The following CYFIP2 variants were observed in gnomAD, a reference collection of about 807,000 sequenced individuals.
CYFIP2 encodes cytoplasmic FMR1-interacting protein 2.
CYFIP2 carries 29 observed loss-of-function variants against 158.7 expected under a neutral mutation model. The ratio of observed to expected loss-of-function variants is 0.18; its 90% CI spans 0.14 to 0.25. The LOEUF is 0.25. CYFIP2 is among the 10% of genes least tolerant of loss of function. The pLI, the probability that CYFIP2 is intolerant of heterozygous loss-of-function variation, is 1.00. For synonymous variants in CYFIP2, 585 were observed against 617.6 expected, an observed-to-expected ratio of 0.95 and a Z score of 0.78; for missense variants, 852 against 1,639.5, an observed-to-expected ratio of 0.52 and a Z score of 8.29.
intron 1 of CYFIP2, among the ~76,000 whole-genome samples, chr5:157,268,519 A>G (rs1223059064): frequency 6.6e-6 from 1 of 152,194 alleles, no homozygotes; most frequent in Non-Finnish European, 1.5e-5. Context: ...TGAATCGGCT[A>G]CAAGCTAATT....
chr5:157,370,737 T>G (rs1180076258), intron 26 of CYFIP2, among the ~76,000 whole-genome samples: 1 of 152,200 alleles, frequency 6.6e-6, no homozygotes, highest in East Asian at 1.9e-4. Context: ...GGCATATACT[T>G]GAGGGAAGAG....
rs536655897 is a variant in CYFIP2 at position 157,320,525 on chromosome 5, A to G, written c.1524-130A>G. 23 of 1,214,292 alleles carry G rather than the reference A, an allele frequency of 1.9e-5. No homozygotes were observed. The African/African-American group carries it at 3.1e-4, about 16-fold the overall frequency. The allele number at this position is 1,214,292 out of a possible 1,614,324, so 75.2% of individuals were successfully genotyped here. A position where few individuals can be genotyped will look rare whatever the true frequency, so the allele number is the denominator to read the frequency against. ...TTTTGGAATTGGGGCAGAAATGAGC[A>G]TGCTTTACAAGCACCCCAAGAATTC... On this transcript the variant is annotated intron_variant, in intron 14 of 30. Transcript: ENST00000620254.
intron 30 of CYFIP2, among the ~76,000 whole-genome samples, chr5:157,392,208 A>C (rs1767372272): frequency 6.6e-6 from 1 of 152,118 alleles, no homozygotes; most frequent in Non-Finnish European, 1.5e-5. Context: ...TTTCATTCTC[A>C]TGGTGTCCCT....
At chr5:157,375,900 G>C (rs1024996821) in intron 26 of CYFIP2, 2 of 151,982 alleles carry the variant, frequency 1.3e-5, no homozygotes, top group Non-Finnish European at 2.9e-5. Flanking sequence ...TCCTCCTCTT[G>C]CCATCAGCAA....
intron 23 of CYFIP2, among the ~76,000 whole-genome samples, chr5:157,351,320 A>G (rs1192511473): frequency 6.6e-6 from 1 of 152,214 alleles, no homozygotes; most frequent in African/African-American, 2.4e-5. Flanking sequence ...CAGAGGCTAT[A>G]ATGAGCAAAG....
intron 26 of CYFIP2, chr5:157,365,614 A>T (rs959372034): frequency 6.6e-6 from 1 of 152,062 alleles, no homozygotes; most frequent in Non-Finnish European, 1.5e-5. Context: ...GCACATGTCC[A>T]TGTAGCCCAG....
chr5:157,312,886 T>C, intron 11 of CYFIP2, among the ~76,000 whole-genome samples: 1 of 152,336 alleles, frequency 6.6e-6, no homozygotes, highest in Non-Finnish European at 1.5e-5. Context: ...TAATATTTTA[T>C]TTCTTTTTTA....
At chr5:157,342,899 C>T (rs776472166) in intron 23 of CYFIP2, 3 of 1,613,884 alleles carry the variant, frequency 1.9e-6, no homozygotes, top group South Asian at 2.2e-5. Flanking sequence ...GGGTGGGTCA[C>T]CACCCCCCCT....
At chr5:157,382,562 T>C (rs1766233931) in intron 26 of CYFIP2, 28 bp from the exon 27 acceptor site, 2 of 1,612,780 alleles carry the variant, frequency 1.2e-6, no homozygotes, top group South Asian at 2.2e-5. Context: ...GAAAATTGTT[T>C]TCTCTTTCTT....
chr5:157,290,051 A>G lies in CYFIP2; in HGVS notation c.207+2943A>G, dbSNP rs1218268186. On this transcript the variant is annotated intron_variant, in intron 3 of 30. Transcript: ENST00000620254. ...TGGATGTGAGGGACACTGGCTTAGCAGTCACCTGGGACTGCACTGACTGAG... is the reference window on the plus strand; with the variant it reads ...TGGATGTGAGGGACACTGGCTTAGCGGTCACCTGGGACTGCACTGACTGAG... Among the ~76,000 whole-genome samples, 8 of 152,210 alleles carry G rather than the reference A, an allele frequency of 5.3e-5. No homozygotes were observed. The South Asian group carries it at 6.2e-4, about 12-fold the overall frequency.
intron 21 of CYFIP2, among the ~76,000 whole-genome samples, chr5:157,337,469 C>T (rs1348299852): frequency 1.3e-5 from 2 of 152,224 alleles, no homozygotes; most frequent in African/African-American, 4.8e-5. Flanking sequence ...TCTCTTCACC[C>T]CAGTTGATCT....
intron 1 of CYFIP2, among the ~76,000 whole-genome samples, chr5:157,283,953 C>T (rs866895301): frequency 1.2e-4 from 18 of 152,250 alleles, no homozygotes; most frequent in Middle Eastern, 3.4e-3. Flanking sequence ...TCTCACAACT[C>T]CCTGGGATCG....
chr5:157,373,453 G>A (rs1304281540), intron 26 of CYFIP2, among the ~76,000 whole-genome samples: 5 of 152,302 alleles, frequency 3.3e-5, no homozygotes, highest in Middle Eastern at 3.4e-3. Context: ...CTCGCTCCAT[G>A]GGTTTGGAAT....
intron 26 of CYFIP2, among the ~76,000 whole-genome samples, chr5:157,377,823 C>A (rs1765633047): frequency 6.6e-6 from 1 of 152,144 alleles, no homozygotes; most frequent in Non-Finnish European, 1.5e-5. Flanking sequence ...ACGTGCAGGT[C>A]CTGCACATGG....
chr5:157,296,577 G>T, intron 4 of CYFIP2, 96 bp from the exon 5 acceptor site: 2 of 1,159,274 alleles, frequency 1.7e-6, no homozygotes, highest in South Asian at 1.3e-5. Context: ...CTGGACAACA[G>T]AGCAAGACCC....
chr5:157,337,337 T>C (rs1288926343), intron 21 of CYFIP2, among the ~76,000 whole-genome samples: 1 of 152,134 alleles, frequency 6.6e-6, no homozygotes, highest in Non-Finnish European at 1.5e-5. Context: ...TTGCAGGATT[T>C]GCCATCACTA....
chr5:157,310,600 G>C (rs540303160), intron 10 of CYFIP2, among the ~76,000 whole-genome samples: 16 of 152,334 alleles, frequency 1.1e-4, no homozygotes, highest in Non-Finnish European at 2.1e-4. Flanking sequence ...GGTTTTGCAG[G>C]AAAAGCAGGG....
At chr5:157,334,074 A>G (rs1467458313) in intron 21 of CYFIP2, among the ~76,000 whole-genome samples, 1 of 152,272 alleles carries the variant, frequency 6.6e-6, no homozygotes, top group Non-Finnish European at 1.5e-5. Flanking sequence ...TCAAAAGCGA[A>G]TGAACAGAAG....
Position 157,320,639 on chromosome 5 carries a change from G to A in CYFIP2, c.1524-16G>A. The A allele has an allele frequency of 1.2e-6, 2 of 1,613,802 alleles. No homozygotes were observed. The highest frequency in any genetic ancestry group is 1.7e-6 in the Non-Finnish European group (2 of 1,179,802). ...ATGGTGAAACCTGGTCTAAGTCTTA[G>A]TTCTTCCTTCCCCAGCGTCCTACAG... is the stretch of plus-strand genomic sequence containing the variant. On this transcript the variant is annotated splice_polypyrimidine_tract_variant and intron_variant, in intron 14 of 30. Coordinates refer to ENST00000620254, the MANE Select transcript of CYFIP2 (RefSeq NM_001037333.3).
Sources: gnomAD v4.1 joint callset for allele counts (sites outside exome capture counted in the v4.1 genomes callset) on GRCh38, gnomAD v4.1.1 for gene constraint, MANE v1.5 for transcripts, NCBI Gene and HGNC (gene_info 2026-07-23, HGNC 2026-07-21) for gene names.